The following AK4 variants were observed in gnomAD, a reference collection of about 807,000 sequenced individuals.
AK4 encodes the protein adenylate kinase 4, mitochondrial.
AK4 carries 13 observed loss-of-function variants against 24.6 expected under a neutral mutation model. The ratio of observed to expected loss-of-function variants is 0.53; its 90% CI spans 0.34 to 0.84. The LOEUF is 0.84. AK4 is among the 40% of genes least tolerant of loss of function. The pLI, the probability that AK4 is intolerant of heterozygous loss-of-function variation, is 0.01. For synonymous variants in AK4, 88 were observed against 107.0 expected (o/e 0.82, Z 1.10); for missense variants, 192 against 288.2 (o/e 0.67, Z 2.42).
At chr1:65,166,382 CTG>C (rs1484925095) in intron 1 of AK4, among the ~76,000 whole-genome samples, 1 of 151,570 alleles carries the variant, frequency 6.6e-6, no homozygotes, top group Non-Finnish European at 1.5e-5. Flanking sequence ...CACTTGCTCA[CTG>C]TTTGTAAACC....
intron 1 of AK4, among the ~76,000 whole-genome samples, chr1:65,170,038 T>G (rs1015902521): frequency 6.6e-6 from 1 of 152,048 alleles, no homozygotes; most frequent in Non-Finnish European, 1.5e-5. Context: ...CTCCAGGATA[T>G]TTTCTGTTAG....
intron 1 of AK4, among the ~76,000 whole-genome samples, chr1:65,157,965 A>G (rs1386249676): frequency 6.6e-6 from 1 of 152,182 alleles, no homozygotes; most frequent in Middle Eastern, 3.2e-3. Context: ...TTGTCACAGC[A>G]TACCTGAAAC....
chr1:65,152,320 C>A (rs1649799742), intron 1 of AK4, among the ~76,000 whole-genome samples: 1 of 21,824 alleles, frequency 4.6e-5, no homozygotes, highest in Non-Finnish European at 8.1e-5. Flanking sequence ...CTTGCTATCT[C>A]TCTCTCTCTC....
At chr1:65,173,614 C>T (rs1650613753) in intron 1 of AK4, among the ~76,000 whole-genome samples, 2 of 152,338 alleles carry the variant, frequency 1.3e-5, no homozygotes, top group South Asian at 4.1e-4. Context: ...TACCTGTAAT[C>T]CCAGCACTGT....
At position 65,230,341 on chromosome 1, in the gene AK4, C is replaced by T. The variant is rs1185213425; in HGVS notation, c.*4164C>T. 6.6e-6 allele frequency: 1 copy of T among 152,142 alleles called. No individual in the cohort carries two copies. Among genetic ancestry groups the T allele is most frequent in the African/African-American group, 2.4e-5 (1 of 41,444 alleles). 9.4% of individuals were successfully genotyped at this position (152,142 alleles called of 1,614,324 possible). A position where few individuals can be genotyped will look rare whatever the true frequency, so the allele number is the denominator to read the frequency against. ...AACTTTAGAAAGATACCTGCACAAA[C>T]CCATAAATAGTGCTTTTATAAAGTT... On this transcript the variant is annotated 3_prime_UTR_variant, in exon 5 of 5. Coordinates refer to ENST00000327299, the MANE Select transcript of AK4 (RefSeq NM_013410.4).
rs1311855522 is a variant in AK4, at chr1:65,232,034, T to C, written c.*5857T>C. On this transcript the variant is annotated 3_prime_UTR_variant, in exon 5 of 5. Transcript: ENST00000327299. ...ATCTAAACCTCCAGTCTGATCTGTATATGCTATCCTAACTGTTAATTGTAT... is the reference window on the plus strand; with the variant it reads ...ATCTAAACCTCCAGTCTGATCTGTACATGCTATCCTAACTGTTAATTGTAT... 1.3e-5 allele frequency: 2 copies of C among 152,234 alleles called. No individual in the cohort carries two copies. Among genetic ancestry groups the C allele is most frequent in the Non-Finnish European group, 2.9e-5 (2 of 68,042 alleles). The allele number at this position is 152,234 out of a possible 1,614,324, so 9.4% of individuals were successfully genotyped here. A position where few individuals can be genotyped will look rare whatever the true frequency, so the allele number is the denominator to read the frequency against.
rs529303111 is a variant in AK4, at chr1:65,167,051, G to A, written c.145+18499G>A. On this transcript the variant is annotated intron_variant, in intron 1 of 4. Coordinates refer to ENST00000327299, the MANE Select transcript of AK4 (RefSeq NM_013410.4). ...GAGGGCTGAGGCAGGAAAATCACTT[G>A]AACCTGAAAGGCGGAAGTTGTAGTG... is the stretch of plus-strand genomic sequence containing the variant. 2.0e-5 allele frequency among the ~76,000 whole-genome samples: 3 copies of A among 152,292 alleles called. No homozygotes were observed. In the South Asian group the frequency reaches 6.2e-4, roughly 32 times the overall value.
At chr1:65,177,179 A>C (rs1202782555) in intron 1 of AK4, among the ~76,000 whole-genome samples, 1 of 152,186 alleles carries the variant, frequency 6.6e-6, no homozygotes, top group African/African-American at 2.4e-5. Flanking sequence ...ACTAAATGAC[A>C]AAGGAAAGGT....
At chr1:65,156,209 A>G (rs1649979547) in intron 1 of AK4, among the ~76,000 whole-genome samples, 1 of 152,192 alleles carries the variant, frequency 6.6e-6, no homozygotes, top group South Asian at 2.1e-4. Flanking sequence ...TACACTAGGA[A>G]TAGAGTGGAA....
intron 2 of AK4, among the ~76,000 whole-genome samples, chr1:65,199,222 C>T: frequency 6.6e-6 from 1 of 151,966 alleles, no homozygotes; most frequent in Non-Finnish European, 1.5e-5. Flanking sequence ...CATGAAGGAT[C>T]AGCAGTTATT....
intron 1 of AK4, among the ~76,000 whole-genome samples, chr1:65,188,814 G>T (rs1167086619): frequency 2.0e-5 from 3 of 151,734 alleles, no homozygotes; most frequent in Admixed American, 6.6e-5. Context: ...TCTCGCTGTC[G>T]CCTGGGCTGA....
chr1:65,170,564 T>A (rs7545094), intron 1 of AK4, among the ~76,000 whole-genome samples: 72,239 of 152,076 alleles, frequency 0.48, 19,826 homozygotes, highest in African/African-American at 0.75. Context: ...CGTTTGAAAC[T>A]TTGCTTTTCC....
intron 1 of AK4, among the ~76,000 whole-genome samples, chr1:65,178,773 C>T (rs778433093): frequency 2.0e-5 from 3 of 152,110 alleles, no homozygotes; most frequent in Non-Finnish European, 2.9e-5. Flanking sequence ...CTGTAGATTG[C>T]GGGAGGGTAG....
intron 1 of AK4, among the ~76,000 whole-genome samples, chr1:65,153,169 T>G (rs1173544207): frequency 6.6e-6 from 1 of 152,238 alleles, no homozygotes; most frequent in Non-Finnish European, 1.5e-5. Flanking sequence ...TCACACATAT[T>G]TGAAGAACAC....
At chr1:65,156,150 C>A (rs12074520) in intron 1 of AK4, among the ~76,000 whole-genome samples, 26,218 of 152,000 alleles carry the variant, frequency 0.17, 3,610 homozygotes, top group African/African-American at 0.37. Flanking sequence ...TCCATTTTTA[C>A]TTTTGAAAAG....
intron 2 of AK4, among the ~76,000 whole-genome samples, chr1:65,196,449 G>A (rs965284013): frequency 3.3e-5 from 5 of 152,040 alleles, no homozygotes; most frequent in African/African-American, 1.2e-4. Context: ...TTTCCAGTTG[G>A]GTAAGAAATA....
intron 1 of AK4, among the ~76,000 whole-genome samples, chr1:65,181,255 C>T (rs561698239): frequency 6.6e-6 from 1 of 151,794 alleles, no homozygotes; most frequent in Admixed American, 6.6e-5. Flanking sequence ...CTCTCTCCTC[C>T]AGCACTATCC....
At chr1:65,180,558 A>AT (rs1184180664) in intron 1 of AK4, among the ~76,000 whole-genome samples, 1 of 152,106 alleles carries the variant, frequency 6.6e-6, no homozygotes, top group Non-Finnish European at 1.5e-5. Flanking sequence ...TTTGACATCT[A>AT]TTTTTTTAAC....
intron 1 of AK4, among the ~76,000 whole-genome samples, chr1:65,156,414 C>G (rs1020630463): frequency 6.6e-6 from 1 of 151,934 alleles, no homozygotes; most frequent in Non-Finnish European, 1.5e-5. Flanking sequence ...AGCAGTAAAG[C>G]TTAGATAGTG....
Sources: allele counts gnomAD v4.1 joint callset (sites outside exome capture counted in the v4.1 genomes callset), GRCh38; gene constraint gnomAD v4.1.1; transcripts MANE v1.5; gene names NCBI Gene and HGNC (gene_info 2026-07-23, HGNC 2026-07-21).